The following KLHL4 variants were observed in gnomAD, a reference collection of about 807,000 sequenced individuals.
The protein encoded by KLHL4 is kelch like family member 4.
In KLHL4, 17 loss-of-function variants were observed where a neutral mutation model predicts 45.8. That is an observed-to-expected ratio of 0.37 (90% CI 0.25 to 0.56). The LOEUF is 0.56. KLHL4 is among the 20% of genes least tolerant of loss of function. KLHL4 has a pLI of 0.79. For missense variants in KLHL4, 544 were observed against 544.9 expected (o/e 1.00, Z 0.02); for synonymous variants, 224 against 189.9 (o/e 1.18, Z -1.47).
At chrX:87,527,850 C>A (rs1188649051) in intron 1 of KLHL4, among the ~76,000 whole-genome samples, 2 of 106,707 alleles carry the variant, frequency 1.9e-5, no homozygotes, top group African/African-American at 3.4e-5. Context: ...ACTAGATGCA[C>A]AGATACCAAC....
intron 1 of KLHL4, among the ~76,000 whole-genome samples, chrX:87,522,647 T>C (rs1025706617): frequency 7.1e-5 from 8 of 112,604 alleles, no homozygotes; most frequent in African/African-American, 1.3e-4. Flanking sequence ...ACTACAATTA[T>C]ATAGTTATTT....
intron 1 of KLHL4, among the ~76,000 whole-genome samples, chrX:87,570,177 G>C (rs753888139): frequency 9.0e-6 from 1 of 111,160 alleles, no homozygotes; most frequent in Admixed American, 9.6e-5. Context: ...GGTACAAAAT[G>C]TATGTATTTG....
At chrX:87,539,629 C>A (rs1931509779) in intron 1 of KLHL4, among the ~76,000 whole-genome samples, 1 of 110,437 alleles carries the variant, frequency 9.1e-6, no homozygotes, top group African/African-American at 3.3e-5. Context: ...TAGCCATTAC[C>A]AACATCTGAT....
Position 87,667,012 on chromosome X carries a change from T to G in KLHL4, c.*478T>G. 1 of 728,048 alleles carries G rather than the reference T, an allele frequency of 1.4e-6. No homozygotes were observed. The highest frequency in any genetic ancestry group is 7.0e-5 in the South Asian group (1 of 14,325). The allele number at this position is 728,048 out of a possible 1,213,427, so 60.0% of individuals were successfully genotyped here. A position where few individuals can be genotyped will look rare whatever the true frequency, so the allele number is the denominator to read the frequency against. On this transcript the variant is annotated 3_prime_UTR_variant, in exon 11 of 11. Coordinates refer to ENST00000373119, the MANE Select transcript of KLHL4 (RefSeq NM_019117.5). ...TGTGATTTTTAGTAAGCCATTATTC[T>G]CCTATTCAAATAATATCCCAAAGAG...
In KLHL4 at chrX:87,669,455, G is replaced by T; in HGVS notation, c.*2921G>T. 1 of 1,180,276 alleles carries T rather than the reference G, an allele frequency of 8.5e-7. No individual in the cohort carries two copies. Among genetic ancestry groups the T allele is most frequent in the South Asian group, 1.9e-5 (1 of 52,068 alleles). On this transcript the variant is annotated 3_prime_UTR_variant, in exon 11 of 11. Transcript: ENST00000373119. Reference sequence around the variant, plus strand: ...TCAATCTGACTCAGGTGTGGCTGTTGCCCCTTTTTGATATGGAGGGAACAC... The same window carrying T: ...TCAATCTGACTCAGGTGTGGCTGTTTCCCCTTTTTGATATGGAGGGAACAC...
chrX:87,612,941 G>T (rs1243433125), intron 1 of KLHL4, among the ~76,000 whole-genome samples: 1 of 111,402 alleles, frequency 9.0e-6, no homozygotes, highest in Non-Finnish European at 1.9e-5. Context: ...CATCTGAAGG[G>T]AGGTAGCAGG....
chrX:87,565,303 G>T (rs1932182010), intron 1 of KLHL4, among the ~76,000 whole-genome samples: 1 of 111,829 alleles, frequency 8.9e-6, no homozygotes, highest in Non-Finnish European at 1.9e-5. Flanking sequence ...AGACAGTGGA[G>T]ATTAAAATAG....
At chrX:87,609,056 T>C in intron 1 of KLHL4, among the ~76,000 whole-genome samples, 1 of 111,483 alleles carries the variant, frequency 9.0e-6, no homozygotes, top group South Asian at 3.8e-4. Context: ...AATGATGGTT[T>C]CCAGCTTCAT....
intron 1 of KLHL4, among the ~76,000 whole-genome samples, chrX:87,579,141 A>G (rs903351402): frequency 1.4e-4 from 15 of 110,979 alleles, no homozygotes; most frequent in African/African-American, 4.3e-4. Context: ...GCAAGAAGGG[A>G]GAGGAGTGGA....
Position 87,656,072 on chromosome X carries a change from G to A in KLHL4, c.1926-8692G>A, listed in dbSNP as rs983226959. On this transcript the variant is annotated intron_variant, in intron 9 of 10. Transcript: ENST00000373119. ...AGAAGTCCACTGTTAGTCTGATGGC[G>A]TTTCCTTTATAGGTTACTATATGCT... Among the ~76,000 whole-genome samples, 21 of 111,035 alleles carry A rather than the reference G, an allele frequency of 1.9e-4. No individual in the cohort carries two copies. The East Asian group carries it at 3.4e-3, about 18-fold the overall frequency.
rs759278028 is a variant in KLHL4 at position 87,564,250 on chromosome X, G to A, written c.422+45935G>A. The stretch of plus-strand genomic sequence containing the variant: ...ACTGCAACAACATTTTAAGATATAT[G>A]TATTATGATAATATGTAAATAGAAA... On this transcript the variant is annotated intron_variant, in intron 1 of 10. Coordinates refer to ENST00000373119, the MANE Select transcript of KLHL4 (RefSeq NM_019117.5). Among the ~76,000 whole-genome samples, 33 of 110,078 alleles carry A rather than the reference G, an allele frequency of 3.0e-4. 1 individual carries two copies. In the East Asian group the frequency reaches 9.5e-3, roughly 32 times the overall value.
intron 10 of KLHL4, 110 bp from the exon 11 acceptor site, chrX:87,666,365 A>G: frequency 1.5e-6 from 1 of 676,345 alleles, no homozygotes; most frequent in Non-Finnish European, 2.1e-6. Context: ...AGACAAGGTG[A>G]TGTTAGACCA....
rs749497717 is a variant in KLHL4, at chrX:87,518,354, C to A, written c.422+39C>A. ...GTCGCATAACTGAATGCCGTAACTT[C>A]AGTTAACTTATCCTCTACAATTCAT... On this transcript the variant is annotated intron_variant, in intron 1 of 10. Transcript: ENST00000373119. The A allele has an allele frequency of 2.3e-5, 24 of 1,027,278 alleles. No homozygotes were observed. In the South Asian group the frequency reaches 4.9e-4, roughly 21 times the overall value. The allele number at this position is 1,027,278 out of a possible 1,213,427, so 84.7% of individuals were successfully genotyped here. A position where few individuals can be genotyped will look rare whatever the true frequency, so the allele number is the denominator to read the frequency against.
intron 1 of KLHL4, among the ~76,000 whole-genome samples, chrX:87,538,527 A>G (rs1427505237): frequency 8.9e-6 from 1 of 111,884 alleles, no homozygotes; most frequent in East Asian, 2.8e-4. Context: ...ATATTACTAT[A>G]TTCAGAATAT....
intron 1 of KLHL4, among the ~76,000 whole-genome samples, chrX:87,565,873 A>G (rs1398350791): frequency 9.1e-6 from 1 of 109,848 alleles, no homozygotes; most frequent in Non-Finnish European, 1.9e-5. Flanking sequence ...GAAAAAATAG[A>G]AAATCTGAAA....
chrX:87,662,317 A>C (rs2147843245), intron 9 of KLHL4, among the ~76,000 whole-genome samples: 1 of 112,082 alleles, frequency 8.9e-6, no homozygotes, highest in South Asian at 3.6e-4. Flanking sequence ...AACATGTGTT[A>C]AACATTTTAT....
chrX:87,550,133 G>A (rs905101559), intron 1 of KLHL4, among the ~76,000 whole-genome samples: 1 of 111,029 alleles, frequency 9.0e-6, no homozygotes, highest in African/African-American at 3.3e-5. Flanking sequence ...GACACTAAAT[G>A]CCAATAAATT....
chrX:87,622,826 T>C lies in KLHL4; in HGVS notation c.1137+403T>C, dbSNP rs1188601753. On this transcript the variant is annotated intron_variant, in intron 5 of 10. Coordinates refer to ENST00000373119, the MANE Select transcript of KLHL4 (RefSeq NM_019117.5). The stretch of plus-strand genomic sequence containing the variant: ...TACTGAATAATATCTTTTAATATTA[T>C]CCGCTACGATCAAAAGAATGCTATC... 7.2e-5 allele frequency among the ~76,000 whole-genome samples: 8 copies of C among 111,217 alleles called. No homozygotes were observed. The Admixed American group carries it at 7.7e-4, about 11-fold the overall frequency.
chrX:87,579,007 T>C (rs1347702883), intron 1 of KLHL4, among the ~76,000 whole-genome samples: 1 of 111,625 alleles, frequency 9.0e-6, no homozygotes, highest in Non-Finnish European at 1.9e-5. Context: ...ACTAGAACAG[T>C]AATAGAACTT....
Sources: gnomAD v4.1 joint callset for allele counts (sites outside exome capture counted in the v4.1 genomes callset) on GRCh38, gnomAD v4.1.1 for gene constraint, MANE v1.5 for transcripts, NCBI Gene and HGNC (gene_info 2026-07-23, HGNC 2026-07-21) for gene names.